The following SOX6 variants were observed in gnomAD, a reference collection of about 807,000 sequenced individuals.
SOX6 encodes the protein SRY-box transcription factor 6.
A neutral mutation model predicts 97.8 loss-of-function variants in SOX6; 11 were observed. That is an observed-to-expected ratio of 0.11 (90% CI 0.07 to 0.19). The LOEUF (loss-of-function observed/expected upper bound fraction) is 0.19, where lower values mean the gene tolerates loss of function less well. Ranked by LOEUF, SOX6 falls within the 10% of genes least tolerant of loss-of-function variation. The pLI, the probability that SOX6 is intolerant of heterozygous loss-of-function variation, is 1.00. For missense variants in SOX6, 810 were observed against 1,039.5 expected (o/e 0.78, Z 3.04); for synonymous variants, 360 against 371.4 (o/e 0.97, Z 0.35).
chr11:15,991,666 C>A (rs920785037), intron 13 of SOX6, among the ~76,000 whole-genome samples: 2 of 152,332 alleles, frequency 1.3e-5, no homozygotes, highest in African/African-American at 2.4e-5. Context: ...CCACCTCTAG[C>A]AAAACCAAAT....
intron 1 of SOX6, among the ~76,000 whole-genome samples, chr11:16,351,881 C>T (rs957634688): frequency 2.6e-5 from 4 of 151,950 alleles, no homozygotes; most frequent in Non-Finnish European, 4.4e-5. Context: ...TAACCCCAAC[C>T]GCATTACAAA....
At chr11:16,070,894 T>C (rs1302032935) in intron 9 of SOX6, among the ~76,000 whole-genome samples, 2 of 152,218 alleles carry the variant, frequency 1.3e-5, no homozygotes, top group Non-Finnish European at 2.9e-5. Context: ...CCCAGCCATT[T>C]TACAGAAGCA....
At chr11:16,280,390 T>A (rs1034985339) in intron 3 of SOX6, among the ~76,000 whole-genome samples, 34 of 143,310 alleles carry the variant, frequency 2.4e-4, no homozygotes, top group Non-Finnish European at 4.3e-4. Flanking sequence ...TTTTTTTTTT[T>A]ATAGAAACCG....
intron 6 of SOX6, among the ~76,000 whole-genome samples, chr11:16,113,777 A>C (rs1015876324): frequency 6.6e-6 from 1 of 152,168 alleles, no homozygotes; most frequent in African/African-American, 2.4e-5. Context: ...TCATTTCACA[A>C]ACATTTATTA....
chr11:16,170,984 G>A (rs1007370632), intron 6 of SOX6, among the ~76,000 whole-genome samples: 4 of 151,976 alleles, frequency 2.6e-5, no homozygotes, highest in Non-Finnish European at 4.4e-5. Flanking sequence ...ATCCAAAGTA[G>A]AGTAAGGAAG....
intron 6 of SOX6, among the ~76,000 whole-genome samples, chr11:16,124,684 G>T (rs541907226): frequency 6.6e-6 from 1 of 152,166 alleles, no homozygotes; most frequent in African/African-American, 2.4e-5. Context: ...TGGAGATCAG[G>T]TTATTTAGGG....
intron 1 of SOX6, among the ~76,000 whole-genome samples, chr11:16,401,073 T>G (rs1046981385): frequency 1.3e-5 from 2 of 151,676 alleles, no homozygotes; most frequent in Middle Eastern, 3.4e-3. Context: ...ATATACCAAT[T>G]TTTATGTCTC....
intron 4 of SOX6, among the ~76,000 whole-genome samples, chr11:16,606,356 C>A (rs1439769123): frequency 6.6e-6 from 1 of 151,978 alleles, no homozygotes; most frequent in African/African-American, 2.4e-5. Context: ...AGAGATACAG[C>A]GCTCACAAAG....
chr11:16,021,807 T>C (rs545899834), intron 12 of SOX6, among the ~76,000 whole-genome samples: 14 of 152,256 alleles, frequency 9.2e-5, no homozygotes, highest in African/African-American at 2.9e-4. Flanking sequence ...ATATATCTAC[T>C]GGTGTAGAAG....
At chr11:16,083,944 G>T (rs1590185528) in intron 9 of SOX6, among the ~76,000 whole-genome samples, 3 of 152,240 alleles carry the variant, frequency 2.0e-5, no homozygotes, top group African/African-American at 7.2e-5. Flanking sequence ...TTCTAGCTCT[G>T]AAAGTCTATG....
intron 11 of SOX6, 129 bp from the exon 12 acceptor site, chr11:16,046,830 A>T: frequency 1.1e-6 from 1 of 941,424 alleles, no homozygotes; most frequent in Non-Finnish European, 1.6e-6. Flanking sequence ...CTATTTTTTA[A>T]ACTATACGCT....
chr11:16,204,687 ATC>A (rs1287424434), intron 4 of SOX6, among the ~76,000 whole-genome samples: 1 of 152,126 alleles, frequency 6.6e-6, no homozygotes, highest in Non-Finnish European at 1.5e-5. Context: ...TTTTTAAAAA[ATC>A]TATCTTATCT....
chr11:16,669,558 G>C (rs149319959), intron 3 of SOX6, among the ~76,000 whole-genome samples: 10 of 152,186 alleles, frequency 6.6e-5, no homozygotes, highest in Non-Finnish European at 1.5e-4. Flanking sequence ...AGCCATACCC[G>C]GCTGGGGCTA....
chr11:16,283,071 G>A (rs12276024), intron 3 of SOX6, among the ~76,000 whole-genome samples: 8 of 79,000 alleles, frequency 1.0e-4, no homozygotes, highest in African/African-American at 1.9e-4. Context: ...GTATATATAT[G>A]TAAATTATAT....
intron 3 of SOX6, among the ~76,000 whole-genome samples, chr11:16,277,647 C>T (rs1361057591): frequency 6.6e-6 from 1 of 152,190 alleles, no homozygotes; most frequent in African/African-American, 2.4e-5. Flanking sequence ...CTTCCATTTA[C>T]CCCTCAGCCT....
intron 4 of SOX6, among the ~76,000 whole-genome samples, chr11:16,506,890 C>T (rs1216818853): frequency 6.6e-6 from 1 of 151,962 alleles, no homozygotes; most frequent in African/African-American, 2.4e-5. Flanking sequence ...ATGGTGAAAC[C>T]CTGTCTCTAC....
At chr11:16,384,200 C>A (rs1857908915) in intron 1 of SOX6, among the ~76,000 whole-genome samples, 1 of 75,878 alleles carries the variant, frequency 1.3e-5, no homozygotes, top group African/African-American at 5.0e-5. Flanking sequence ...TTTAACCTTT[C>A]TATTTTTTCT....
At chr11:16,293,195 G>A (rs927772958) in intron 3 of SOX6, among the ~76,000 whole-genome samples, 24 of 152,106 alleles carry the variant, frequency 1.6e-4, no homozygotes, top group African/African-American at 5.8e-4. Flanking sequence ...CAGCCATCAT[G>A]TTCTCACACT....
intron 3 of SOX6, chr11:16,314,698 T>G (rs1316345678): frequency 6.6e-6 from 1 of 152,184 alleles, no homozygotes; most frequent in African/African-American, 2.4e-5. Context: ...CCTTAAATTA[T>G]GGATGCAAGT....
Sources: gnomAD v4.1 joint callset for allele counts (sites outside exome capture counted in the v4.1 genomes callset) on GRCh38, gnomAD v4.1.1 for gene constraint, MANE v1.5 for transcripts, NCBI Gene and HGNC (gene_info 2026-07-23, HGNC 2026-07-21) for gene names.